The following HERC4 variants were observed in gnomAD, a reference collection of about 807,000 sequenced individuals.
HERC4 encodes HECT and RLD domain containing E3 ubiquitin protein ligase 4, also known as probable E3 ubiquitin-protein ligase HERC4.
Under a neutral mutation model 124.3 loss-of-function variants are expected in HERC4, and 28 were observed. The ratio of observed to expected loss-of-function variants is 0.23; its 90% confidence interval spans 0.17 to 0.31. HERC4 has a LOEUF of 0.31. Ranked by LOEUF, HERC4 falls within the 10% of genes least tolerant of loss-of-function variation. The pLI, the probability that HERC4 is intolerant of heterozygous loss-of-function variation, is 1.00. For missense variants in HERC4, 713 were observed against 1,229.3 expected (o/e 0.58, Z 6.28); for synonymous variants, 407 against 421.5 (o/e 0.97, Z 0.42).
intron 15 of HERC4, among the ~76,000 whole-genome samples, chr10:67,975,399 T>C (rs2035525559): frequency 6.6e-6 from 1 of 152,116 alleles, no homozygotes; most frequent in Non-Finnish European, 1.5e-5. Context: ...AACTCATGCA[T>C]TCTATTTTTT....
At chr10:67,994,953 G>C (rs960620875) in intron 9 of HERC4, 7 of 201,950 alleles carry the variant, frequency 3.5e-5, no homozygotes, top group Non-Finnish European at 7.1e-5. Flanking sequence ...GCCTCCCAAA[G>C]TGCTGGGATT....
intron 5 of HERC4, among the ~76,000 whole-genome samples, chr10:68,034,984 A>G (rs1245042402): frequency 6.6e-6 from 1 of 152,118 alleles, no homozygotes; most frequent in Non-Finnish European, 1.5e-5. Flanking sequence ...CCATATTGCC[A>G]TCGTATTTTG....
chr10:68,052,265 G>A (rs1160726622), intron 3 of HERC4, among the ~76,000 whole-genome samples: 1 of 152,052 alleles, frequency 6.6e-6, no homozygotes, highest in African/African-American at 2.4e-5. Context: ...CATTACTTCT[G>A]GTTCTTCTTA....
chr10:68,010,242 A>T, intron 9 of HERC4: 1 of 1,040,270 alleles, frequency 9.6e-7, no homozygotes, highest in Non-Finnish European at 1.4e-6. Context: ...GTGGCGACAG[A>T]AACAGGGGGA....
intron 3 of HERC4, among the ~76,000 whole-genome samples, chr10:68,071,308 T>C (rs1424270772): frequency 2.0e-5 from 3 of 152,244 alleles, no homozygotes; most frequent in East Asian, 1.9e-4. Flanking sequence ...TTCCTGGCAC[T>C]ATAATCATTA....
chr10:67,970,244 A>T (rs2035148909), intron 15 of HERC4, among the ~76,000 whole-genome samples: 1 of 152,240 alleles, frequency 6.6e-6, no homozygotes. Context: ...AAACCTATTG[A>T]TTTCAGTTTC....
intron 3 of HERC4, among the ~76,000 whole-genome samples, chr10:68,050,831 T>C (rs1438389271): frequency 1.3e-5 from 2 of 151,990 alleles, no homozygotes; most frequent in East Asian, 1.9e-4. Context: ...AGGGAGATAA[T>C]GACAAGCAAG....
intron 9 of HERC4, among the ~76,000 whole-genome samples, chr10:68,007,232 A>G (rs965585918): frequency 6.6e-6 from 1 of 151,964 alleles, no homozygotes; most frequent in Admixed American, 6.6e-5. Context: ...TGCTTGATCA[A>G]TTCTGCTGTT....
intron 8 of HERC4, among the ~76,000 whole-genome samples, chr10:68,016,773 C>G (rs1374636726): frequency 6.6e-6 from 1 of 152,138 alleles, no homozygotes; most frequent in East Asian, 1.9e-4. Context: ...AATTTTACCC[C>G]CGATCCAACA....
At chr10:68,018,989 CTTTCT>C (rs2038435925) in intron 8 of HERC4, among the ~76,000 whole-genome samples, 1 of 107,432 alleles carries the variant, frequency 9.3e-6, no homozygotes, top group Admixed American at 1.1e-4. Flanking sequence ...CCAAAGCATT[CTTTCT>C]TTTTTTTTTT....
chr10:67,938,656 T>TC (rs2032596692), intron 21 of HERC4, among the ~76,000 whole-genome samples: 1 of 151,032 alleles, frequency 6.6e-6, no homozygotes, highest in South Asian at 2.1e-4. Context: ...TTATTTAACA[T>TC]CCCTTTTGGC....
chr10:68,033,960 C>G lies in HERC4; in HGVS notation c.685+5G>C. ...ACACTTAAACTATACATAATGAGAA[C>G]CTACCATTTTCATCATTAAGACCTA... On this transcript the variant is annotated splice_donor_5th_base_variant and intron_variant, in intron 6 of 24. Transcript: ENST00000373700. 1 of 1,609,564 alleles carries G rather than the reference C, an allele frequency of 6.2e-7. No individual in the cohort carries two copies. The highest frequency in any genetic ancestry group is 8.5e-7 in the Non-Finnish European group (1 of 1,175,980).
At chr10:68,020,548 C>T (rs111544897) in intron 8 of HERC4, among the ~76,000 whole-genome samples, 2,002 of 152,008 alleles carry the variant, frequency 0.013, 22 homozygotes, top group Middle Eastern at 0.037. Flanking sequence ...GGGCAGATCA[C>T]GAGGTCAGGA....
chr10:68,040,080 A>T, intron 4 of HERC4: 2 of 842,996 alleles, frequency 2.4e-6, no homozygotes, highest in Non-Finnish European at 2.9e-6. Context: ...GTGCCTAATT[A>T]ATAGTACGTA....
In HERC4 at chr10:67,939,568, C is replaced by G. The variant is rs767946610; in HGVS notation, c.2571+20G>C. 2 of 1,534,352 alleles carry G rather than the reference C, an allele frequency of 1.3e-6. No individual in the cohort carries two copies. The highest frequency in any genetic ancestry group is 2.3e-5 in the South Asian group (2 of 86,086). On this transcript the variant is annotated intron_variant, in intron 21 of 24. Transcript: ENST00000373700. Reference sequence around the variant, plus strand: ...AAGAGATGATAAATAATCAGGCTAACCTATGTCCTTCCATCTTACCGTAAA... The same window carrying G: ...AAGAGATGATAAATAATCAGGCTAAGCTATGTCCTTCCATCTTACCGTAAA...
intron 3 of HERC4, among the ~76,000 whole-genome samples, chr10:68,052,259 A>G (rs1386529546): frequency 6.6e-6 from 1 of 152,172 alleles, no homozygotes; most frequent in Non-Finnish European, 1.5e-5. Context: ...GTTCATCATT[A>G]CTTCTGGTTC....
intron 4 of HERC4, among the ~76,000 whole-genome samples, chr10:68,038,881 A>T: frequency 6.6e-6 from 1 of 152,212 alleles, no homozygotes; most frequent in Middle Eastern, 3.4e-3. Context: ...TTAAAGGCTC[A>T]TTTTTAAAAC....
intron 8 of HERC4, among the ~76,000 whole-genome samples, chr10:68,023,868 T>C (rs894003553): frequency 3.9e-5 from 6 of 152,148 alleles, no homozygotes; most frequent in Non-Finnish European, 5.9e-5. Context: ...CACTATGTTT[T>C]TGAAGATAAC....
intron 3 of HERC4, among the ~76,000 whole-genome samples, chr10:68,047,113 C>A (rs1424729741): frequency 6.7e-6 from 1 of 148,436 alleles, no homozygotes; most frequent in Non-Finnish European, 1.5e-5. Context: ...ACAGCAAAGT[C>A]AAAAAACTGA....
Sources: gnomAD v4.1 joint callset for allele counts (sites outside exome capture counted in the v4.1 genomes callset) on GRCh38, gnomAD v4.1.1 for gene constraint, MANE v1.5 for transcripts, NCBI Gene and HGNC (gene_info 2026-07-23, HGNC 2026-07-21) for gene names.